Variants in MIS18BP1 observed in about 807,000 individuals in gnomAD.
MIS18BP1 encodes mis18-binding protein 1.
A neutral mutation model predicts 116.1 loss-of-function variants in MIS18BP1; 72 were observed. The observed-to-expected ratio is 0.62, with a 90% confidence interval of 0.51 to 0.75. MIS18BP1 has a LOEUF of 0.75. MIS18BP1 is among the 30% of genes least tolerant of loss of function. The pLI is 0.00. For missense variants in MIS18BP1, 1,363 were observed against 1,303.2 expected (o/e 1.05, Z -0.71); for synonymous variants, 386 against 427.0 (o/e 0.90, Z 1.18).
At chr14:45,230,318 G>T (rs1891240284) in intron 8 of MIS18BP1, among the ~76,000 whole-genome samples, 2 of 152,228 alleles carry the variant, frequency 1.3e-5, no homozygotes, top group South Asian at 2.1e-4. Flanking sequence ...TTCTGCTCTG[G>T]CAAGTTGGTC....
At chr14:45,251,164 T>C (rs1891864106) in intron 1 of MIS18BP1, among the ~76,000 whole-genome samples, 2 of 152,174 alleles carry the variant, frequency 1.3e-5, no homozygotes, top group Admixed American at 1.3e-4. Flanking sequence ...TTTTTAAACT[T>C]ATTTTTACTG....
chr14:45,210,557 G>A, intron 13 of MIS18BP1, 29 bp from the exon 14 acceptor site: 2 of 1,612,030 alleles, frequency 1.2e-6, no homozygotes, highest in Non-Finnish European at 1.7e-6. Context: ...TTATCAGCAG[G>A]CACCCCATAA....
rs1387224353 is a variant in MIS18BP1 at position 45,203,775 on chromosome 14, C to A, written c.*334G>T. On this transcript the variant is annotated 3_prime_UTR_variant, in exon 17 of 17. Transcript: ENST00000310806. Reference sequence around the variant, plus strand: ...TCACCTTCTCTTACTTAAATGGTAGCAAAATTTTCTTGAAATAAAAAAAAA... The same window carrying A: ...TCACCTTCTCTTACTTAAATGGTAGAAAAATTTTCTTGAAATAAAAAAAAA... 1.2e-5 allele frequency: 1 copy of A among 82,068 alleles called. No homozygotes were observed. The highest frequency in any genetic ancestry group is 2.3e-5 in the Non-Finnish European group (1 of 44,382). The allele number at this position is 82,068 out of a possible 1,614,324, so 5.1% of individuals were successfully genotyped here.
chr14:45,204,564 TAACAACATTTA>T, intron 15 of MIS18BP1, 111 bp from the exon 16 acceptor site: 1 of 665,134 alleles, frequency 1.5e-6, no homozygotes, highest in Non-Finnish European at 2.5e-6. Context: ...CATATGCCTA[TAACAACATTTA>T]ATCACATTAT....
In MIS18BP1 at chr14:45,214,190, T is replaced by C. The variant is rs1018161294; in HGVS notation, c.3003+2829A>G. ...GTAAAATAGGAAGTCCTCTTTGCAG[T>C]TGAGATAAGAGGAAGGTATCTGTCT... On this transcript the variant is annotated intron_variant, in intron 13 of 16. Coordinates refer to ENST00000310806, the MANE Select transcript of MIS18BP1 (RefSeq NM_018353.5). Among the ~76,000 whole-genome samples the C allele has an allele frequency of 3.3e-5, 5 of 152,284 alleles. No individual in the cohort carries two copies. The South Asian group carries it at 1.0e-3, about 32-fold the overall frequency.
intron 4 of MIS18BP1, among the ~76,000 whole-genome samples, chr14:45,238,291 T>C (rs980250716): frequency 3.9e-5 from 6 of 152,184 alleles, no homozygotes; most frequent in Non-Finnish European, 8.8e-5. Context: ...GAAAACATTT[T>C]ATGACAATCT....
intron 1 of MIS18BP1, among the ~76,000 whole-genome samples, chr14:45,249,044 C>T (rs1891798376): frequency 6.6e-6 from 1 of 151,388 alleles, no homozygotes; most frequent in South Asian, 2.1e-4. Context: ...TAGCTGGGAC[C>T]ACAAGTGTGT....
intron 1 of MIS18BP1, among the ~76,000 whole-genome samples, chr14:45,250,500 C>T (rs1372209443): frequency 1.3e-5 from 2 of 152,172 alleles, no homozygotes; most frequent in Non-Finnish European, 2.9e-5. Context: ...GAACGCCTGT[C>T]CTGAAGCCAA....
chr14:45,237,696 AT>A lies in MIS18BP1; in HGVS notation c.1168del (p.Ile390LeufsTer12), dbSNP rs766093706. On this transcript the variant is annotated frameshift_variant, in exon 5 of 17. Transcript: ENST00000310806. LOFTEE classifies it high-confidence loss of function. ...AGCAGTATTATTATTGATGCTTTTAATCATCCATTCCTGTAGCTGAACTACC... is the reference window on the plus strand; with the variant it reads ...AGCAGTATTATTATTGATGCTTTTAACATCCATTCCTGTAGCTGAACTACC... ...NQVVQLQEWM[I>X]KSINNNTAIC... is the part of the protein sequence containing the mutation. 6.2e-7 allele frequency: 1 copy of A among 1,603,154 alleles called. No individual in the cohort carries two copies. Among genetic ancestry groups the A allele is most frequent in the South Asian group, 1.1e-5 (1 of 88,844 alleles).
At chr14:45,209,005 CTTAATT>C (rs1486981422) in intron 14 of MIS18BP1, among the ~76,000 whole-genome samples, 1 of 151,800 alleles carries the variant, frequency 6.6e-6, no homozygotes, top group Non-Finnish European at 1.5e-5. Context: ...CTACTTTTTT[CTTAATT>C]TTATTTATTT....
chr14:45,232,019 T>A (rs987930178), intron 7 of MIS18BP1, among the ~76,000 whole-genome samples: 4 of 152,200 alleles, frequency 2.6e-5, no homozygotes, highest in African/African-American at 7.2e-5. Context: ...CTCTTTGACA[T>A]ATGTCAAAAG....
chr14:45,237,756 T>C (rs1037077655), intron 4 of MIS18BP1, 35 bp from the exon 5 acceptor site: 3 of 1,558,124 alleles, frequency 1.9e-6, no homozygotes, highest in Non-Finnish European at 2.6e-6. Context: ...ATATTTCCTG[T>C]ATTACTTGCA....
At chr14:45,230,369 C>T (rs1032193734) in intron 8 of MIS18BP1, among the ~76,000 whole-genome samples, 1 of 152,154 alleles carries the variant, frequency 6.6e-6, no homozygotes, top group Non-Finnish European at 1.5e-5. Context: ...AACAGTTCTG[C>T]AATCTGTCGT....
rs552084042 is a variant in MIS18BP1, at chr14:45,212,115, G to A, written c.3004-1587C>T. 3.9e-5 allele frequency among the ~76,000 whole-genome samples: 6 copies of A among 152,254 alleles called. No homozygotes were observed. The South Asian group carries it at 8.3e-4, about 21-fold the overall frequency. On this transcript the variant is annotated intron_variant, in intron 13 of 16. Coordinates refer to ENST00000310806, the MANE Select transcript of MIS18BP1 (RefSeq NM_018353.5). ...ATTGGACTGTCCCCTGGGGAGGGCC[G>A]TTTGAAACTGAGGCAAGGAGTTTGG...
intron 11 of MIS18BP1, among the ~76,000 whole-genome samples, chr14:45,218,765 T>C (rs573576852): frequency 4.6e-5 from 7 of 151,964 alleles, no homozygotes; most frequent in Admixed American, 2.0e-4. Flanking sequence ...TAATCGATGA[T>C]ACGGTTTTTT....
intron 15 of MIS18BP1, 29 bp downstream of exon 15, chr14:45,206,054 A>G: frequency 7.1e-7 from 1 of 1,405,228 alleles, no homozygotes; most frequent in Non-Finnish European, 1.0e-6. Flanking sequence ...TGTTTCATAG[A>G]TATGTATTGG....
chr14:45,215,956 G>A (rs955509086), intron 13 of MIS18BP1, among the ~76,000 whole-genome samples: 7 of 151,830 alleles, frequency 4.6e-5, no homozygotes, highest in East Asian at 1.9e-4. Flanking sequence ...TGCCCGCCTC[G>A]GCCTCCCAAA....
At position 45,203,944 on chromosome 14, in the gene MIS18BP1, A is replaced by G; in HGVS notation, c.*165T>C. ...TTTCTTTACATTTTTAGTAAGCTGCAGCAATGAGGATATTTTACTTTGAAC... is the reference window on the plus strand; with the variant it reads ...TTTCTTTACATTTTTAGTAAGCTGCGGCAATGAGGATATTTTACTTTGAAC... On this transcript the variant is annotated 3_prime_UTR_variant, in exon 17 of 17. Transcript: ENST00000310806. 1 of 936,318 alleles carries G rather than the reference A, an allele frequency of 1.1e-6. No homozygotes were observed. The highest frequency in any genetic ancestry group is 1.5e-6 in the Non-Finnish European group (1 of 677,858). The allele number at this position is 936,318 out of a possible 1,614,324, so 58.0% of individuals were successfully genotyped here.
rs553808311 is a variant in MIS18BP1, at chr14:45,235,874, T to C, written c.1288A>G (p.Ile430Val). The C allele has an allele frequency of 9.3e-6, 15 of 1,611,406 alleles. No individual in the cohort carries two copies. In the South Asian group the frequency reaches 1.2e-4, roughly 13 times the overall value. Reference protein sequence around the residue: ...ERIEHNKLRTISGNVYILKGM... With the variant: ...ERIEHNKLRTVSGNVYILKGM... ...TTTAATATATAAACGTTGCCTGATATAGTCCTAAGTTTGTTGTGCTCAATC... is the reference window on the plus strand; with the variant it reads ...TTTAATATATAAACGTTGCCTGATACAGTCCTAAGTTTGTTGTGCTCAATC... Residue 430 changes from isoleucine (I) to valine (V), a missense_variant, in exon 6 of 17, where the codon ATA becomes GTA. Physicochemically the swap from Ile to Val is conservative, Grantham distance 29. Coordinates refer to ENST00000310806, the MANE Select transcript of MIS18BP1 (RefSeq NM_018353.5).
Sources: allele counts gnomAD v4.1 joint callset (sites outside exome capture counted in the v4.1 genomes callset), GRCh38; gene constraint gnomAD v4.1.1; transcripts MANE v1.5; gene names NCBI Gene and HGNC (gene_info 2026-07-23, HGNC 2026-07-21).